The following DPP10 variants were observed in gnomAD, a reference collection of about 807,000 sequenced individuals.
DPP10 encodes inactive dipeptidyl peptidase 10.
DPP10 carries 33 observed loss-of-function variants against 120.9 expected under a neutral mutation model. That is an observed-to-expected ratio of 0.27 (90% CI 0.21 to 0.37). DPP10 has a LOEUF of 0.37. DPP10 is among the 10% of genes least tolerant of loss of function. DPP10 has a pLI of 1.00. For synonymous variants in DPP10, 337 were observed against 326.1 expected (o/e 1.03, Z -0.36); for missense variants, 816 against 942.8 (o/e 0.87, Z 1.76).
intron 5 of DPP10, among the ~76,000 whole-genome samples, chr2:115,622,310 C>A (rs989194391): frequency 1.3e-5 from 2 of 152,068 alleles, no homozygotes; most frequent in African/African-American, 4.8e-5. Flanking sequence ...TGGCTTCCTT[C>A]ATTTAGTATG....
At chr2:115,359,901 ATTTTTAATGCTTCTAATTATAT>A (rs956229156) in intron 3 of DPP10, among the ~76,000 whole-genome samples, 18 of 152,092 alleles carry the variant, frequency 1.2e-4, no homozygotes, top group Non-Finnish European at 2.2e-4. Flanking sequence ...TGTCTATTCT[ATTTTTAATGCTTCTAATTATAT>A]TTTTTAATTT....
At chr2:114,756,211 G>A (rs1679728802) in intron 1 of DPP10, among the ~76,000 whole-genome samples, 1 of 152,198 alleles carries the variant, frequency 6.6e-6, no homozygotes, top group Non-Finnish European at 1.5e-5. Context: ...GTTCAAACTG[G>A]AAGAGTGGGA....
In DPP10 at chr2:115,433,894, A is replaced by G. The variant is rs185744321; in HGVS notation, c.272-65616A>G. On this transcript the variant is annotated intron_variant, in intron 3 of 25. Coordinates refer to ENST00000410059, the MANE Select transcript of DPP10 (RefSeq NM_020868.6). ...ATTACCATGCTCAAATCCAAATTCAAATTTTTGTTTTATGAGATTTCCTAC... is the reference window on the plus strand; with the variant it reads ...ATTACCATGCTCAAATCCAAATTCAGATTTTTGTTTTATGAGATTTCCTAC... Among the ~76,000 whole-genome samples, 46 of 151,986 alleles carry G rather than the reference A, an allele frequency of 3.0e-4. 1 individual carries two copies. Among genetic ancestry groups the G allele is most frequent in the African/African-American group, 1.0e-3 (42 of 41,492 alleles).
intron 4 of DPP10, among the ~76,000 whole-genome samples, chr2:115,512,195 G>C (rs2077268974): frequency 6.6e-6 from 1 of 151,950 alleles, no homozygotes. Context: ...CAATCTCCCA[G>C]GCTTAAGCAA....
At chr2:114,652,805 T>C (rs1461395504) in intron 1 of DPP10, among the ~76,000 whole-genome samples, 1 of 152,116 alleles carries the variant, frequency 6.6e-6, no homozygotes, top group Non-Finnish European at 1.5e-5. Context: ...ATTTTAGAGC[T>C]TGTGTTCAGG....
In DPP10 at chr2:114,627,778, A is replaced by G. The variant is rs528125572; in HGVS notation, c.60+184940A>G. Among the ~76,000 whole-genome samples, 9 of 152,288 alleles carry G rather than the reference A, an allele frequency of 5.9e-5. No homozygotes were observed. In the South Asian group the frequency reaches 1.9e-3, roughly 32 times the overall value. ...CTCCCTAGGTAGCATTTTGAATTTA[A>G]TTTAAATGAGAATCCAGTATTTGTG... On this transcript the variant is annotated intron_variant, in intron 1 of 25. Transcript: ENST00000410059.
intron 5 of DPP10, among the ~76,000 whole-genome samples, chr2:115,675,833 A>G (rs576880404): frequency 6.6e-6 from 1 of 152,290 alleles, no homozygotes; most frequent in South Asian, 2.1e-4. Context: ...CATGGTCACC[A>G]TCAGAGTACA....
At chr2:115,459,842 G>C (rs751681664) in intron 3 of DPP10, among the ~76,000 whole-genome samples, 63 of 150,782 alleles carry the variant, frequency 4.2e-4, no homozygotes, top group Non-Finnish European at 1.5e-5. Context: ...TATGACTAAA[G>C]AACAAGCTGG....
At chr2:115,474,439 C>T (rs1244578324) in intron 3 of DPP10, among the ~76,000 whole-genome samples, 3 of 152,042 alleles carry the variant, frequency 2.0e-5, no homozygotes, top group East Asian at 1.9e-4. Context: ...TTTTCTGAAG[C>T]GTGAGAACGG....
chr2:115,084,130 T>C (rs758483533), intron 1 of DPP10, among the ~76,000 whole-genome samples: 2 of 152,182 alleles, frequency 1.3e-5, no homozygotes, highest in African/African-American at 4.8e-5. Context: ...ATATACCTGC[T>C]CACAATTTTG....
intron 1 of DPP10, among the ~76,000 whole-genome samples, chr2:114,749,296 G>A (rs987214765): frequency 1.3e-5 from 2 of 151,798 alleles, no homozygotes; most frequent in African/African-American, 4.8e-5. Flanking sequence ...TGTAGATTCT[G>A]GATATTAGCC....
chr2:114,954,465 A>G (rs1413120979), intron 1 of DPP10, among the ~76,000 whole-genome samples: 1 of 152,180 alleles, frequency 6.6e-6, no homozygotes, highest in African/African-American at 2.4e-5. Context: ...AGCAACAGCA[A>G]TTCTAATAGG....
At chr2:114,513,521 CAAAA>C (rs10712243) in intron 1 of DPP10, among the ~76,000 whole-genome samples, 1 of 74,974 alleles carries the variant, frequency 1.3e-5, no homozygotes, top group African/African-American at 5.3e-5. Flanking sequence ...AACTCTACCT[CAAAA>C]AAAAAAAAAA....
chr2:115,272,832 G>T (rs1037054306), intron 1 of DPP10, among the ~76,000 whole-genome samples: 1 of 152,208 alleles, frequency 6.6e-6, no homozygotes, highest in African/African-American at 2.4e-5. Context: ...GCTATTCAGG[G>T]TTCTGTAATG....
intron 1 of DPP10, among the ~76,000 whole-genome samples, chr2:114,825,970 T>A (rs1212081559): frequency 6.6e-6 from 1 of 152,214 alleles, no homozygotes; most frequent in East Asian, 1.9e-4. Context: ...TAGAAGTTAC[T>A]CTTTTTGCCA....
intron 1 of DPP10, among the ~76,000 whole-genome samples, chr2:114,590,443 G>A (rs1427095856): frequency 6.6e-6 from 1 of 152,118 alleles, no homozygotes; most frequent in African/African-American, 2.4e-5. Context: ...ATACTGCAAA[G>A]CATTTTCTGG....
intron 1 of DPP10, among the ~76,000 whole-genome samples, chr2:114,496,034 T>G (rs73946173): frequency 0.039 from 5,900 of 152,194 alleles, 383 homozygotes; most frequent in African/African-American, 0.13. Context: ...ATAAACCATA[T>G]CAGATATTTT....
intron 1 of DPP10, among the ~76,000 whole-genome samples, chr2:115,167,604 C>CAAAA (rs59031977): frequency 6.2e-5 from 3 of 48,514 alleles, no homozygotes; most frequent in African/African-American, 1.2e-4. Flanking sequence ...GAGACCGTCT[C>CAAAA]AAAAAAAAAA....
At chr2:114,962,674 G>A (rs1018695146) in intron 1 of DPP10, among the ~76,000 whole-genome samples, 1 of 152,148 alleles carries the variant, frequency 6.6e-6, no homozygotes, top group Admixed American at 6.5e-5. Flanking sequence ...AGTAACCACG[G>A]CCTATCTCAG....
Sources: allele counts gnomAD v4.1 joint callset (sites outside exome capture counted in the v4.1 genomes callset), GRCh38; gene constraint gnomAD v4.1.1; transcripts MANE v1.5; gene names NCBI Gene and HGNC (gene_info 2026-07-23, HGNC 2026-07-21).